Variants in MALRD1 observed in about 807,000 individuals in gnomAD.
MALRD1 encodes MAM and LDL receptor class A domain containing 1.
MALRD1 carries 247 observed loss-of-function variants against 242.1 expected under a neutral mutation model. That is an observed-to-expected ratio of 1.02 (90% confidence interval 0.92 to 1.13). The LOEUF is 1.13. Ranked by LOEUF, MALRD1 falls within the 50% of genes most tolerant of loss-of-function variation. MALRD1 has a pLI of 0.00. For missense variants in MALRD1, 2,989 were observed against 2,533.1 expected (o/e 1.18, Z -3.86); for synonymous variants, 995 against 866.6 (o/e 1.15, Z -2.60).
At chr10:19,457,125 A>C (rs1752060784) in intron 29 of MALRD1, among the ~76,000 whole-genome samples, 1 of 152,328 alleles carries the variant, frequency 6.6e-6, no homozygotes, top group South Asian at 2.1e-4. Context: ...ACTCTGAAAA[A>C]TTGAAATAGC....
chr10:19,392,988 T>C (rs1442730721), intron 28 of MALRD1, among the ~76,000 whole-genome samples: 2 of 152,080 alleles, frequency 1.3e-5, no homozygotes, highest in East Asian at 3.9e-4. Context: ...TATGAGTGAG[T>C]CAAGAGAGGC....
chr10:19,444,692 G>A (rs1834864712), intron 28 of MALRD1, among the ~76,000 whole-genome samples: 1 of 152,078 alleles, frequency 6.6e-6, no homozygotes, highest in South Asian at 2.1e-4. Context: ...TAATCTGATG[G>A]GCATCCCTTT....
chr10:19,221,036 G>A (rs1417142622), intron 18 of MALRD1, among the ~76,000 whole-genome samples: 1 of 152,082 alleles, frequency 6.6e-6, no homozygotes, highest in Non-Finnish European at 1.5e-5. Flanking sequence ...ATTCCACTGT[G>A]CTCTGATAAC....
At chr10:19,139,600 GACTC>G (rs1333216362) in intron 10 of MALRD1, among the ~76,000 whole-genome samples, 1 of 152,150 alleles carries the variant, frequency 6.6e-6, no homozygotes, top group Non-Finnish European at 1.5e-5. Context: ...CCCAAAGGCA[GACTC>G]ACTCAGGTCT....
chr10:19,265,132 T>C (rs1163223015), intron 19 of MALRD1, among the ~76,000 whole-genome samples: 1 of 152,108 alleles, frequency 6.6e-6, no homozygotes, highest in Non-Finnish European at 1.5e-5. Context: ...CTTCTGTTTT[T>C]CTTATCTAAA....
At chr10:19,609,991 T>G (rs950268915) in intron 35 of MALRD1, among the ~76,000 whole-genome samples, 3 of 151,978 alleles carry the variant, frequency 2.0e-5, no homozygotes, top group Non-Finnish European at 4.4e-5. Context: ...TAATAAAGTC[T>G]CAGAAGTATT....
At chr10:19,464,126 G>A (rs1836097255) in intron 29 of MALRD1, among the ~76,000 whole-genome samples, 2 of 152,082 alleles carry the variant, frequency 1.3e-5, no homozygotes, top group Non-Finnish European at 1.5e-5. Flanking sequence ...CTTTGTCAGA[G>A]GTATATATTG....
chr10:19,098,130 C>T (rs544552883), intron 4 of MALRD1, among the ~76,000 whole-genome samples: 1 of 152,162 alleles, frequency 6.6e-6, no homozygotes, highest in Non-Finnish European at 1.5e-5. Context: ...AACACTTTCA[C>T]TCCTTTTTGT....
At chr10:19,086,095 G>A (rs1835660314) in intron 2 of MALRD1, among the ~76,000 whole-genome samples, 1 of 151,980 alleles carries the variant, frequency 6.6e-6, no homozygotes, top group South Asian at 2.1e-4. Context: ...AATAATTCCA[G>A]TAAGTATATT....
chr10:19,654,009 G>C (rs937687685), intron 36 of MALRD1, among the ~76,000 whole-genome samples: 2 of 152,164 alleles, frequency 1.3e-5, no homozygotes, highest in African/African-American at 4.8e-5. Context: ...AATGAGCAGA[G>C]TTATCATTAA....
chr10:19,547,818 A>ATATATATATAT (rs1564431908), intron 32 of MALRD1, among the ~76,000 whole-genome samples: 1 of 16,916 alleles, frequency 5.9e-5, no homozygotes, highest in African/African-American at 1.9e-4. Flanking sequence ...ATATATATAT[A>ATATATATATAT]TTTTTTTTTT....
At chr10:19,547,055 G>A (rs1416814136) in intron 32 of MALRD1, among the ~76,000 whole-genome samples, 1 of 152,130 alleles carries the variant, frequency 6.6e-6, no homozygotes, top group Non-Finnish European at 1.5e-5. Flanking sequence ...AAGGTGGTCT[G>A]TGCAGTGATA....
At chr10:19,555,891 A>G (rs1175713081) in intron 32 of MALRD1, among the ~76,000 whole-genome samples, 1 of 152,162 alleles carries the variant, frequency 6.6e-6, no homozygotes, top group African/African-American at 2.4e-5. Context: ...AAAATTAGAG[A>G]TAGAAAGCAT....
At chr10:19,217,054 T>C (rs547662117) in intron 18 of MALRD1, among the ~76,000 whole-genome samples, 6 of 152,354 alleles carry the variant, frequency 3.9e-5, no homozygotes, top group African/African-American at 1.2e-4. Flanking sequence ...CACCTTAGTT[T>C]TGGTCTGCAT....
intron 33 of MALRD1, among the ~76,000 whole-genome samples, chr10:19,575,137 C>G (rs78409339): frequency 1.3e-5 from 2 of 152,008 alleles, no homozygotes; most frequent in South Asian, 2.1e-4. Flanking sequence ...TGAATTGCCC[C>G]GTTTCACTTA....
upstream of MALRD1, among the ~76,000 whole-genome samples, chr10:19,047,494 A>G (rs1834367615): frequency 6.6e-6 from 1 of 152,106 alleles, no homozygotes; most frequent in Non-Finnish European, 1.5e-5. Context: ...AGCCTAGAAA[A>G]AATTTATTAA....
At position 19,373,162 on chromosome 10, in the gene MALRD1, T is replaced by TC. The variant is rs1336810196; in HGVS notation, c.4442-14364dup. On this transcript the variant is annotated intron_variant, in intron 26 of 39. Coordinates refer to ENST00000454679, the MANE Select transcript of MALRD1 (RefSeq NM_001142308.3). Reference sequence around the variant, plus strand: ...AATAAAAGTTGCTCTCATTTTTTTTTCCAGAATGTTTCCTCCTTGCATTTC... The same window carrying TC: ...AATAAAAGTTGCTCTCATTTTTTTTTCCCAGAATGTTTCCTCCTTGCATTTC... Among the ~76,000 whole-genome samples, 315 of 146,348 alleles carry TC rather than the reference T, an allele frequency of 2.2e-3. 2 individuals are homozygous for TC. The highest frequency in any genetic ancestry group is 3.2e-3 in the Non-Finnish European group (214 of 66,718).
chr10:19,192,046 C>T (rs1835998831), intron 14 of MALRD1, among the ~76,000 whole-genome samples: 1 of 151,786 alleles, frequency 6.6e-6, no homozygotes, highest in African/African-American at 2.4e-5. Flanking sequence ...AAAAAAAAAA[C>T]TTGAGGACAT....
chr10:19,386,993 C>A (rs556906924), intron 26 of MALRD1, among the ~76,000 whole-genome samples: 98 of 152,180 alleles, frequency 6.4e-4, no homozygotes, highest in African/African-American at 2.2e-3. Context: ...AATAAATATG[C>A]ATTTTAGAGA....
Sources: gnomAD v4.1 joint callset for allele counts (sites outside exome capture counted in the v4.1 genomes callset) on GRCh38, gnomAD v4.1.1 for gene constraint, MANE v1.5 for transcripts, NCBI Gene and HGNC (gene_info 2026-07-23, HGNC 2026-07-21) for gene names.